MAX: variants seen among roughly 807,000 people sequenced by gnomAD.
MAX encodes MYC associated transcriptional regulator X.
Under a neutral mutation model 22.3 loss-of-function variants are expected in MAX, and 3 were observed. The observed-to-expected ratio is 0.13, with a 90% CI of 0.06 to 0.35. The LOEUF is 0.35. MAX is among the 10% of genes least tolerant of loss of function. The pLI is 1.00. For synonymous variants in MAX, 72 were observed against 77.7 expected (o/e 0.93, Z 0.39); for missense variants, 119 against 209.4 (o/e 0.57, Z 2.66).
rs924083673 is a variant in MAX, at chr14:65,083,970, C to T, written c.172-5934G>A. On this transcript the variant is annotated intron_variant, in intron 3 of 4. Coordinates refer to ENST00000358664, the MANE Select transcript of MAX (RefSeq NM_002382.5). ...TAAACTAGTTCATTCAAAAATGGAACCCCATCAATGCCAGCAAAGGAGGCT... is the reference window on the plus strand; with the variant it reads ...TAAACTAGTTCATTCAAAAATGGAATCCCATCAATGCCAGCAAAGGAGGCT... The T allele has an allele frequency of 3.0e-4, 419 of 1,414,708 alleles. 2 individuals carry two copies. The highest frequency in any genetic ancestry group is 1.6e-3 in the Middle Eastern group (6 of 3,744). The allele number at this position is 1,414,708 out of a possible 1,614,324, so 87.6% of individuals were successfully genotyped here.
At chr14:65,065,241 C>T (rs1010440785) in intron 3 of MAX, among the ~76,000 whole-genome samples, 2 of 152,202 alleles carry the variant, frequency 1.3e-5, no homozygotes, top group African/African-American at 4.8e-5. Context: ...GAAGCCAGCA[C>T]ACACATATGC....
In MAX at chr14:65,075,776, C is replaced by T. The variant is rs139403325; in HGVS notation, c.*700G>A. 15 of 1,066,604 alleles carry T rather than the reference C, an allele frequency of 1.4e-5. No individual in the cohort carries two copies. Among genetic ancestry groups the T allele is most frequent in the Middle Eastern group, 4.2e-4 (1 of 2,406 alleles). The allele number at this position is 1,066,604 out of a possible 1,614,324, so 66.1% of individuals were successfully genotyped here. On this transcript the variant is annotated 3_prime_UTR_variant, in exon 5 of 5. Coordinates refer to ENST00000358664, the MANE Select transcript of MAX (RefSeq NM_002382.5). The surrounding 1 kb of genome is among the most constrained non-coding windows in gnomAD (Gnocchi z 4.1). ...CTGCTGCCATCTCCCATACATACCA[C>T]GAGAGTGTCACACGGCCCTCCGTGA...
rs560410558 is a variant in MAX at position 65,079,962 on chromosome 14, C to G, written c.172-1926G>C. Among the ~76,000 whole-genome samples, 26 of 152,238 alleles carry G rather than the reference C, an allele frequency of 1.7e-4. No individual in the cohort carries two copies. The South Asian group carries it at 5.0e-3, about 29-fold the overall frequency. On this transcript the variant is annotated intron_variant, in intron 3 of 4. Coordinates refer to ENST00000358664, the MANE Select transcript of MAX (RefSeq NM_002382.5). This position sits in a 1 kb window ranked among gnomAD's most constrained non-coding sequence, Gnocchi z 4.5. ...ATACTAGGCAGATACTGTGGGGAAA[C>G]AAAATGTATTAGTCATGGCTTCTTT...
At chr14:65,018,230 G>T (rs2061817537) in intron 3 of MAX, among the ~76,000 whole-genome samples, 1 of 152,040 alleles carries the variant, frequency 6.6e-6, no homozygotes, top group Admixed American at 6.6e-5. Flanking sequence ...AGTTCTAGCT[G>T]CTCAGGAGGC....
rs925104920 is a variant in MAX, at chr14:65,076,931, G to A, written c.296-268C>T. 2.6e-5 allele frequency: 15 copies of A among 583,488 alleles called. No individual in the cohort carries two copies. Among genetic ancestry groups the A allele is most frequent in the South Asian group, 1.9e-4 (10 of 51,792 alleles). The allele number at this position is 583,488 out of a possible 1,614,324, so 36.1% of individuals were successfully genotyped here. On this transcript the variant is annotated intron_variant, in intron 4 of 4. Coordinates refer to ENST00000358664, the MANE Select transcript of MAX (RefSeq NM_002382.5). This position sits in a 1 kb window ranked among gnomAD's most constrained non-coding sequence, Gnocchi z 6.6. ...AGGCTTGTGATGTCACCGTCCTGCC[G>A]TGGAAGCCCCGTGGAGAGACTGGAG...
chr14:65,019,508 A>T (rs2061848061), intron 3 of MAX, among the ~76,000 whole-genome samples: 1 of 151,786 alleles, frequency 6.6e-6, no homozygotes, highest in African/African-American at 2.4e-5. Context: ...CAAACAAAAC[A>T]TTTTTTTTAA....
In MAX at chr14:65,023,194, G is replaced by A. The variant is rs1328341012; in HGVS notation, c.172-16910C>T. ...CCACCTCAGCCTCCTGAGTAGCTGG[G>A]GCTAGAGGTGGGTGCCAACGTGCCT... On this transcript the variant is annotated intron_variant, in intron 3 of 3. Transcript: ENST00000341653. The surrounding 1 kb of genome is among the most constrained non-coding windows in gnomAD (Gnocchi z 4.1). Among the ~76,000 whole-genome samples, 7 of 152,070 alleles carry A rather than the reference G, an allele frequency of 4.6e-5. No individual in the cohort carries two copies. The highest frequency in any genetic ancestry group is 3.3e-4 in the Admixed American group (5 of 15,270).
At position 65,089,570 on chromosome 14, in the gene MAX, T is replaced by G. The variant is rs1427579435; in HGVS notation, c.171+4138A>C. ...AGACAGTGTGGTTGGTTATAATCAT[T>G]CTGGCTCAGGTACTGGGGCTTATGA... On this transcript the variant is annotated intron_variant, in intron 3 of 4. Coordinates refer to ENST00000358664, the MANE Select transcript of MAX (RefSeq NM_002382.5). 2.0e-5 allele frequency among the ~76,000 whole-genome samples: 3 copies of G among 151,734 alleles called. No homozygotes were observed. In the East Asian group the frequency reaches 5.8e-4, roughly 29 times the overall value.
chr14:65,024,856 C>A (rs1040224730), intron 3 of MAX, among the ~76,000 whole-genome samples: 3 of 152,150 alleles, frequency 2.0e-5, no homozygotes, highest in Non-Finnish European at 4.4e-5. Flanking sequence ...TGGCTTCAAG[C>A]AATCCTCCTG....
At chr14:65,051,857 T>A (rs368847753) in intron 3 of MAX, among the ~76,000 whole-genome samples, 134 of 151,226 alleles carry the variant, frequency 8.9e-4, no homozygotes, top group African/African-American at 3.1e-3. Context: ...TGCAGTGGTG[T>A]GATCTCAGCT....
Position 65,077,596 on chromosome 14 carries a change from T to C in MAX, c.295+317A>G, listed in dbSNP as rs757858153. On this transcript the variant is annotated intron_variant, in intron 4 of 4. Transcript: ENST00000358664. This position sits in a 1 kb window ranked among gnomAD's most constrained non-coding sequence, Gnocchi z 6.3. ...TTCCACTCCAAGGACCTCAAAGCTC[T>C]TTTCAGACACCTGATGCCAGGTGTG... The C allele has an allele frequency of 9.8e-6, 10 of 1,023,080 alleles. No individual in the cohort carries two copies. The highest frequency in any genetic ancestry group is 1.5e-5 in the Non-Finnish European group (10 of 664,504). 63.4% of individuals were successfully genotyped at this position (1,023,080 alleles called of 1,614,324 possible). A position where few individuals can be genotyped will look rare whatever the true frequency, so the allele number is the denominator to read the frequency against.
chr14:65,081,645 T>C (rs946762362), intron 3 of MAX, among the ~76,000 whole-genome samples: 2 of 152,202 alleles, frequency 1.3e-5, no homozygotes, highest in African/African-American at 4.8e-5. Flanking sequence ...CAGATAGAAC[T>C]TGGTAAGTCA....
At chr14:65,096,505 C>A (rs1260380144) in intron 2 of MAX, among the ~76,000 whole-genome samples, 1 of 152,128 alleles carries the variant, frequency 6.6e-6, no homozygotes, top group Non-Finnish European at 1.5e-5. Context: ...AACCACAGAT[C>A]CACCCAGACC....
At chr14:65,065,008 T>C (rs779945509) in intron 3 of MAX, among the ~76,000 whole-genome samples, 8 of 152,252 alleles carry the variant, frequency 5.3e-5, no homozygotes, top group Non-Finnish European at 8.8e-5. Context: ...CCCAGTAATT[T>C]GTTCAGGTTG....
chr14:65,044,412 G>GCCCCT lies in MAX; in HGVS notation c.172-38133_172-38129dup. 1 of 1,613,154 alleles carries GCCCCT rather than the reference G, an allele frequency of 6.2e-7. No individual in the cohort carries two copies. The highest frequency in any genetic ancestry group is 8.5e-7 in the Non-Finnish European group (1 of 1,179,654). On this transcript the variant is annotated intron_variant, in intron 3 of 3. Transcript: ENST00000341653. The surrounding 1 kb of genome is among the most constrained non-coding windows in gnomAD (Gnocchi z 5.5). ...ACTCCTTCTGGCAGGCGGGGCTCCT[G>GCCCCT]CCCCTGCTCCACCGCGCACTGCACG...
Position 65,076,347 on chromosome 14 carries a change from TA to T in MAX, c.*128del, listed in dbSNP as rs1007255390. 3,183 of 1,330,772 alleles carry T rather than the reference TA, an allele frequency of 2.4e-3. 7 individuals are homozygous for T. Among genetic ancestry groups the T allele is most frequent in the South Asian group, 9.2e-3 (627 of 68,386 alleles). 82.4% of individuals were successfully genotyped at this position (1,330,772 alleles called of 1,614,324 possible). On this transcript the variant is annotated 3_prime_UTR_variant, in exon 5 of 5. Coordinates refer to ENST00000358664, the MANE Select transcript of MAX (RefSeq NM_002382.5). The surrounding 1 kb of genome is among the most constrained non-coding windows in gnomAD (Gnocchi z 6.6). Reference sequence around the variant, plus strand: ...GAGCTTCTACGTAAAAATAAAAATTTAAAAAAAAAAGGGAGAAAGAGAAAAA... The same window carrying T: ...GAGCTTCTACGTAAAAATAAAAATTTAAAAAAAAAGGGAGAAAGAGAAAAA...
At chr14:65,066,099 C>T (rs1372133654) in intron 3 of MAX, among the ~76,000 whole-genome samples, 2 of 152,218 alleles carry the variant, frequency 1.3e-5, no homozygotes, top group Non-Finnish European at 1.5e-5. Context: ...GGCTGGATGG[C>T]TGAGGCCCTG....
intron 3 of MAX, among the ~76,000 whole-genome samples, chr14:65,048,010 CAG>C (rs1375376923): frequency 5.7e-4 from 59 of 103,098 alleles, no homozygotes; most frequent in South Asian, 4.2e-3. Context: ...TTTTTTGAGA[CAG>C]AGTCTCACTC....
In MAX at chr14:65,047,978, A is replaced by ATTTTTT. The variant is rs34879850; in HGVS notation, c.172-41700_172-41695dup. On this transcript the variant is annotated intron_variant, in intron 3 of 3. Coordinates refer to the MAX transcript ENST00000341653. The surrounding 1 kb of genome is among the most constrained non-coding windows in gnomAD (Gnocchi z 5.2). ...AGACAGAAGGAGGGAGACTTTTTAG[A>ATTTTTT]TTTTTTTTTTTTTTTTTTTTTTTTT... Among the ~76,000 whole-genome samples the ATTTTTT allele has an allele frequency of 4.7e-5, 3 of 64,128 alleles. No homozygotes were observed. Among genetic ancestry groups the ATTTTTT allele is most frequent in the Non-Finnish European group, 8.2e-5 (3 of 36,398 alleles). The allele number at this position is 64,128 out of a possible 152,430, so 42.1% of individuals were successfully genotyped here. A position where few individuals can be genotyped will look rare whatever the true frequency, so the allele number is the denominator to read the frequency against.
Sources: gnomAD v4.1 joint callset for allele counts (sites outside exome capture counted in the v4.1 genomes callset) on GRCh38, gnomAD v4.1.1 for gene constraint, Gnocchi (gnomAD v3.1) non-coding constraint, MANE v1.5 for transcripts, NCBI Gene and HGNC (gene_info 2026-07-23, HGNC 2026-07-21) for gene names.